RBFOX1: variants seen among roughly 807,000 people sequenced by gnomAD.
The protein encoded by RBFOX1 is RNA binding fox-1 homolog 1, also known as RNA binding protein fox-1 homolog 1.
Under a neutral mutation model 57.7 loss-of-function variants are expected in RBFOX1, and 8 were observed. The ratio of observed to expected loss-of-function variants is 0.14; its 90% confidence interval spans 0.08 to 0.25. The LOEUF is 0.25. RBFOX1 is among the 10% of genes least tolerant of loss of function. The pLI is 1.00. For missense variants in RBFOX1, 611 were observed against 548.5 expected (o/e 1.11, Z -1.14); for synonymous variants, 326 against 222.4 (o/e 1.47, Z -4.15).
rs541653537 is a variant in RBFOX1, at chr16:7,474,128, A to C, written c.28-44019A>C. On this transcript the variant is annotated intron_variant, in intron 4 of 15. Coordinates refer to ENST00000550418, the MANE Select transcript of RBFOX1 (RefSeq NM_018723.4). The stretch of plus-strand genomic sequence containing the variant: ...ACGGTGAAACTCTGTCTCTACTAAA[A>C]ATACAAAAATTAGCCAGGCATGGTG... Among the ~76,000 whole-genome samples, 51 of 152,236 alleles carry C rather than the reference A, an allele frequency of 3.4e-4. 3 individuals are homozygous for C. The South Asian group carries it at 0.01, about 31-fold the overall frequency.
intron 3 of RBFOX1, among the ~76,000 whole-genome samples, chr16:6,711,927 C>A (rs1166499479): frequency 6.6e-6 from 1 of 152,182 alleles, no homozygotes; most frequent in Admixed American, 6.6e-5. Flanking sequence ...AAATTGCCTT[C>A]TCCTACATTT....
chr16:7,159,985 C>A (rs74009272), intron 4 of RBFOX1, among the ~76,000 whole-genome samples: 1 of 152,110 alleles, frequency 6.6e-6, no homozygotes, highest in East Asian at 1.9e-4. Flanking sequence ...AGTTGTCATA[C>A]TACTTAATTG....
At chr16:6,319,889 C>A (rs1433819433) in intron 2 of RBFOX1, among the ~76,000 whole-genome samples, 1 of 152,158 alleles carries the variant, frequency 6.6e-6, no homozygotes, top group Non-Finnish European at 1.5e-5. Context: ...CATGCTGCAT[C>A]ATGTTTATAA....
intron 4 of RBFOX1, among the ~76,000 whole-genome samples, chr16:7,219,290 G>C (rs1005747488): frequency 3.9e-5 from 6 of 152,202 alleles, no homozygotes; most frequent in African/African-American, 1.4e-4. Context: ...CAAAGTTAAG[G>C]ACTGTAAGAC....
rs1371284670 is a variant in RBFOX1 at position 6,721,996 on chromosome 16, T to C, written c.-16+67346T>C. The C allele has an allele frequency of 2.0e-5, 3 of 152,808 alleles. No individual in the cohort carries two copies. In the Admixed American group the frequency reaches 2.0e-4, roughly 10 times the overall value. 9.5% of individuals were successfully genotyped at this position (152,808 alleles called of 1,614,324 possible). On this transcript the variant is annotated intron_variant, in intron 3 of 15. Transcript: ENST00000550418. Reference sequence around the variant, plus strand: ...TAAGGTTCATCTGTATTACAGCATGTATCAAAATTTCCTTCCTATTTAAGG... The same window carrying C: ...TAAGGTTCATCTGTATTACAGCATGCATCAAAATTTCCTTCCTATTTAAGG...
intron 1 of RBFOX1, among the ~76,000 whole-genome samples, chr16:5,321,510 C>T (rs576456078): frequency 1.3e-5 from 2 of 152,018 alleles, no homozygotes; most frequent in Non-Finnish European, 2.9e-5. Context: ...TTAGTAGAGA[C>T]GGGTTTTCAC....
intron 3 of RBFOX1, among the ~76,000 whole-genome samples, chr16:5,759,912 T>A (rs536023847): frequency 1.3e-5 from 2 of 152,216 alleles, no homozygotes; most frequent in East Asian, 3.9e-4. Flanking sequence ...TTTTACTGTT[T>A]AAAACTTCCA....
At chr16:7,093,759 A>G (rs191519474) in intron 4 of RBFOX1, among the ~76,000 whole-genome samples, 66 of 152,270 alleles carry the variant, frequency 4.3e-4, no homozygotes, top group Non-Finnish European at 7.4e-4. Flanking sequence ...CTGTTGATGT[A>G]AATTGATCAG....
chr16:6,370,515 T>C (rs1172608026), intron 2 of RBFOX1, among the ~76,000 whole-genome samples: 1 of 151,662 alleles, frequency 6.6e-6, no homozygotes, highest in Non-Finnish European at 1.5e-5. Flanking sequence ...TAAAAAGGAG[T>C]AAAATTCTGA....
intron 4 of RBFOX1, among the ~76,000 whole-genome samples, chr16:7,348,828 G>A (rs940526212): frequency 2.6e-5 from 4 of 152,122 alleles, no homozygotes; most frequent in African/African-American, 9.7e-5. Flanking sequence ...TGTAATCCCA[G>A]CCCCTTGGGA....
intron 3 of RBFOX1, among the ~76,000 whole-genome samples, chr16:6,894,609 T>G (rs779093991): frequency 1.3e-5 from 2 of 152,188 alleles, no homozygotes; most frequent in Admixed American, 1.3e-4. Flanking sequence ...CAGTGCAATT[T>G]CGTGACAGTT....
At chr16:6,169,477 G>A (rs1036044724) in intron 1 of RBFOX1, among the ~76,000 whole-genome samples, 4 of 152,086 alleles carry the variant, frequency 2.6e-5, no homozygotes, top group African/African-American at 9.7e-5. Context: ...AAATTTAAAG[G>A]AGTTAATTGA....
chr16:5,525,457 C>T (rs1407751583), intron 2 of RBFOX1, among the ~76,000 whole-genome samples: 1 of 149,442 alleles, frequency 6.7e-6, no homozygotes, highest in East Asian at 2.0e-4. Flanking sequence ...AGCTCAGACT[C>T]ACACCGAGAT....
chr16:6,344,902 G>A (rs569060927), intron 2 of RBFOX1, among the ~76,000 whole-genome samples: 1 of 149,838 alleles, frequency 6.7e-6, no homozygotes, highest in South Asian at 2.1e-4. Flanking sequence ...GGTTGGCCAG[G>A]CTGGTCTTGA....
At chr16:6,370,873 G>T (rs1329123575) in intron 2 of RBFOX1, among the ~76,000 whole-genome samples, 3 of 152,180 alleles carry the variant, frequency 2.0e-5, no homozygotes, top group Admixed American at 6.5e-5. Context: ...TTACAAGAGA[G>T]TGGGTCCTCA....
At chr16:5,766,578 C>G (rs1031440681) in intron 3 of RBFOX1, among the ~76,000 whole-genome samples, 1 of 152,160 alleles carries the variant, frequency 6.6e-6, no homozygotes. Context: ...GTGCGAGACT[C>G]TGTCTCAAGA....
chr16:6,553,161 G>C (rs2097024025), intron 2 of RBFOX1, among the ~76,000 whole-genome samples: 1 of 152,134 alleles, frequency 6.6e-6, no homozygotes, highest in Non-Finnish European at 1.5e-5. Context: ...TAAACAGGGA[G>C]GATTTTATCT....
At chr16:5,671,665 T>C (rs80076800) in intron 3 of RBFOX1, among the ~76,000 whole-genome samples, 18,231 of 152,178 alleles carry the variant, frequency 0.12, 1,481 homozygotes, top group East Asian at 0.33. Flanking sequence ...GATGGGCAAG[T>C]GATCAAAGTG....
At chr16:7,443,316 C>T (rs1327667831) in intron 4 of RBFOX1, among the ~76,000 whole-genome samples, 1 of 152,120 alleles carries the variant, frequency 6.6e-6, no homozygotes, top group Non-Finnish European at 1.5e-5. Context: ...GCTTGATCAG[C>T]AGCCTTTACT....
Sources: gnomAD v4.1 joint callset for allele counts (sites outside exome capture counted in the v4.1 genomes callset) on GRCh38, gnomAD v4.1.1 for gene constraint, MANE v1.5 for transcripts, NCBI Gene and HGNC (gene_info 2026-07-23, HGNC 2026-07-21) for gene names.